The following TTBK2 variants were observed in gnomAD, a reference collection of about 807,000 sequenced individuals.
TTBK2 encodes the protein tau-tubulin kinase 2.
A neutral mutation model predicts 110.8 loss-of-function variants in TTBK2; 28 were observed. That is an observed-to-expected ratio of 0.25 (90% CI 0.19 to 0.35). The LOEUF (loss-of-function observed/expected upper bound fraction) is 0.35. Among genes scored for constraint, TTBK2 ranks in the 10% least tolerant of loss-of-function variants. The pLI is 1.00. For missense variants in TTBK2, 1,369 were observed against 1,500.3 expected (o/e 0.91, Z 1.45); for synonymous variants, 532 against 527.3 (o/e 1.01, Z -0.12).
At chr15:42,801,025 T>A (rs2140892881) in intron 9 of TTBK2, 1 of 765,834 alleles carries the variant, frequency 1.3e-6, no homozygotes, top group East Asian at 2.4e-5. Context: ...TCGATCTTCT[T>A]CATGACCACG....
At chr15:42,853,890 T>TA (rs146685195) in intron 3 of TTBK2, among the ~76,000 whole-genome samples, 2 of 151,438 alleles carry the variant, frequency 1.3e-5, no homozygotes, top group African/African-American at 4.9e-5. Flanking sequence ...CAAAAAAAAA[T>TA]AAAAAATAAA....
intron 4 of TTBK2, among the ~76,000 whole-genome samples, chr15:42,839,845 T>G (rs551487710): frequency 1.3e-5 from 2 of 152,346 alleles, no homozygotes; most frequent in African/African-American, 4.8e-5. Flanking sequence ...TCCTTGCTAA[T>G]GTGCATACTT....
chr15:42,801,903 C>G (rs746298904), intron 9 of TTBK2: 5 of 1,520,342 alleles, frequency 3.3e-6, no homozygotes, highest in Admixed American at 1.7e-5. Context: ...CCTCCACCAG[C>G]CCATGCATGT....
intron 13 of TTBK2, among the ~76,000 whole-genome samples, chr15:42,764,598 G>T (rs1281952909): frequency 6.6e-6 from 1 of 152,260 alleles, no homozygotes; most frequent in Non-Finnish European, 1.5e-5. Context: ...AAATAAAGCA[G>T]CCAGGGAAGC....
At chr15:42,772,565 T>C (rs35088691) in intron 13 of TTBK2, among the ~76,000 whole-genome samples, 19,677 of 152,242 alleles carry the variant, frequency 0.13, 1,761 homozygotes, top group South Asian at 0.22. Context: ...TTTGGGCTAA[T>C]TTGTTACATA....
intron 10 of TTBK2, among the ~76,000 whole-genome samples, chr15:42,785,655 C>T (rs1488636437): frequency 6.6e-6 from 1 of 151,950 alleles, no homozygotes. Flanking sequence ...TCCCTTAGAC[C>T]CTCCCATGAG....
intron 6 of TTBK2, among the ~76,000 whole-genome samples, chr15:42,826,824 TA>T (rs1050462919): frequency 2.6e-5 from 4 of 152,132 alleles, no homozygotes; most frequent in African/African-American, 9.7e-5. Context: ...TTAACAAACC[TA>T]AAAGCCCTAT....
At chr15:42,829,888 CATTAAA>C in intron 5 of TTBK2, 44 bp downstream of exon 5, 1 of 1,607,798 alleles carries the variant, frequency 6.2e-7, no homozygotes, top group Non-Finnish European at 8.5e-7. Context: ...CCCATCATAA[CATTAAA>C]AGTATCAAAC....
chr15:42,907,764 C>T (rs1343313299), intron 1 of TTBK2, among the ~76,000 whole-genome samples: 2 of 151,902 alleles, frequency 1.3e-5, no homozygotes, highest in African/African-American at 2.4e-5. Context: ...CTTATTTGCA[C>T]GTTTTACCTC....
rs1011441492 is a variant in TTBK2, at chr15:42,744,036, C to A, written c.*1759G>T. ...TGAAGACATGCAAGTAGTGTTATAG[C>A]AACTATTATACAATATAATACAGAA... On this transcript the variant is annotated 3_prime_UTR_variant, in exon 15 of 15. Transcript: ENST00000267890. 1 of 152,074 alleles carries A rather than the reference C, an allele frequency of 6.6e-6. No homozygotes were observed. The highest frequency in any genetic ancestry group is 1.5e-5 in the Non-Finnish European group (1 of 68,008). 9.4% of individuals were successfully genotyped at this position (152,074 alleles called of 1,614,324 possible).
intron 3 of TTBK2, among the ~76,000 whole-genome samples, chr15:42,845,837 C>G (rs978235169): frequency 6.6e-6 from 1 of 151,918 alleles, no homozygotes; most frequent in African/African-American, 2.4e-5. Context: ...CATGCCTAGG[C>G]CTATATGGTA....
rs201683789 is a variant in TTBK2 at position 42,830,066 on chromosome 15, C to A, written c.304G>T (p.Ala102Ser). Residue 102 changes from alanine to serine, a missense_variant, in exon 5 of 15, where the codon GCA (alanine) becomes TCA (serine). Coordinates refer to ENST00000267890, the MANE Select transcript of TTBK2 (RefSeq NM_173500.4). Reference protein sequence around the residue: ...VVMQLQGRNLADLRRSQSRGT... With the variant: ...VVMQLQGRNLSDLRRSQSRGT... The stretch of plus-strand genomic sequence containing the variant: ...CGGGACTGGCTACGGCGAAGATCTG[C>A]CAGATTCCGACCCTATGGAAATCAA... 1.7e-5 allele frequency: 28 copies of A among 1,613,964 alleles called. 1 individual carries two copies. Among genetic ancestry groups the A allele is most frequent in the Admixed American group, 3.3e-5 (2 of 59,996 alleles).
intron 10 of TTBK2, among the ~76,000 whole-genome samples, chr15:42,787,246 G>T (rs769049557): frequency 6.6e-6 from 1 of 152,160 alleles, no homozygotes; most frequent in Non-Finnish European, 1.5e-5. Context: ...ATAGCTCACA[G>T]ATATTTATCT....
At chr15:42,772,804 G>C (rs1567014793) in intron 13 of TTBK2, among the ~76,000 whole-genome samples, 3 of 152,102 alleles carry the variant, frequency 2.0e-5, no homozygotes, top group Non-Finnish European at 4.4e-5. Context: ...AAATTAGCCA[G>C]GTTTAGGAGC....
chr15:42,780,951 G>A (rs760658865), intron 11 of TTBK2, among the ~76,000 whole-genome samples: 1 of 152,132 alleles, frequency 6.6e-6, no homozygotes, highest in African/African-American at 2.4e-5. Flanking sequence ...GTGACAGAGC[G>A]AGACTCTGTC....
intron 13 of TTBK2, among the ~76,000 whole-genome samples, chr15:42,771,507 T>C (rs1889677133): frequency 6.6e-6 from 1 of 152,134 alleles, no homozygotes; most frequent in African/African-American, 2.4e-5. Flanking sequence ...ATCCCTGAAG[T>C]ATAGCGTAAA....
chr15:42,794,935 G>A (rs546832163), intron 9 of TTBK2, 134 bp from the exon 10 acceptor site: 326 of 1,088,212 alleles, frequency 3.0e-4, no homozygotes, highest in Non-Finnish European at 4.1e-4. Context: ...CTCAAATTGC[G>A]AAATTTGAAT....
chr15:42,913,358 G>A, intron 1 of TTBK2, among the ~76,000 whole-genome samples: 1 of 152,014 alleles, frequency 6.6e-6, no homozygotes, highest in East Asian at 1.9e-4. Context: ...TATTGAGAGA[G>A]GCTGGGCGTG....
chr15:42,810,562 C>T (rs1891664989), intron 9 of TTBK2, 52 bp downstream of exon 9: 6 of 1,608,684 alleles, frequency 3.7e-6, no homozygotes, highest in Admixed American at 1.7e-5. Context: ...TGAGTGAAAG[C>T]ATAGACTAAG....
Sources: allele counts gnomAD v4.1 joint callset (sites outside exome capture counted in the v4.1 genomes callset), GRCh38; gene constraint gnomAD v4.1.1; transcripts MANE v1.5; gene names NCBI Gene and HGNC (gene_info 2026-07-23, HGNC 2026-07-21).